Variants in LMF1 observed in about 807,000 individuals in gnomAD.
LMF1 encodes transmembrane protein 112.
In LMF1, 68 loss-of-function variants were observed where a neutral mutation model predicts 60.6. The observed-to-expected ratio is 1.12, with a 90% confidence interval of 0.92 to 1.37. The LOEUF (loss-of-function observed/expected upper bound fraction) is 1.37. Among genes scored for constraint, LMF1 ranks in the 40% most tolerant of loss-of-function variants. LMF1 has a pLI of 0.00. For missense variants in LMF1, 948 were observed against 767.2 expected, an observed-to-expected ratio of 1.24 and a Z score of -2.78; for synonymous variants, 418 against 324.7, an observed-to-expected ratio of 1.29 and a Z score of -3.09.
intron 3 of LMF1, among the ~76,000 whole-genome samples, chr16:925,455 G>T (rs1311316933): frequency 6.6e-6 from 1 of 152,194 alleles, no homozygotes; most frequent in Non-Finnish European, 1.5e-5. Context: ...GGAGGGCGTG[G>T]TGGCTCATGC....
chr16:871,096 T>C (rs560090164), intron 7 of LMF1, 65 bp downstream of exon 7: 44 of 1,474,130 alleles, frequency 3.0e-5, no homozygotes, highest in Non-Finnish European at 3.8e-5. Context: ...ACGGGCAGGC[T>C]GTGGGGCTGG....
intron 2 of LMF1, among the ~76,000 whole-genome samples, chr16:953,260 A>G (rs1416687273): frequency 2.8e-4 from 17 of 61,706 alleles, no homozygotes; most frequent in Admixed American, 2.0e-3. Context: ...CACCCACCCC[A>G]AACCAGCCTC....
chr16:959,499 C>T (rs997312992), intron 1 of LMF1, among the ~76,000 whole-genome samples: 6 of 152,140 alleles, frequency 3.9e-5, no homozygotes, highest in South Asian at 2.1e-4. Flanking sequence ...GAGCATTACA[C>T]GAGATGAACT....
At chr16:936,639 G>A (rs1386249362) in intron 2 of LMF1, among the ~76,000 whole-genome samples, 1 of 152,196 alleles carries the variant, frequency 6.6e-6, no homozygotes, top group Non-Finnish European at 1.5e-5. Flanking sequence ...TGGGCTGCAG[G>A]ATACACTCCC....
At chr16:959,028 G>C (rs1364107549) in intron 1 of LMF1, among the ~76,000 whole-genome samples, 1 of 152,188 alleles carries the variant, frequency 6.6e-6, no homozygotes, top group Non-Finnish European at 1.5e-5. Context: ...GGTGGCATCT[G>C]ACCCAGATAA....
rs111658540 is a variant in LMF1 at position 956,926 on chromosome 16, G to A, written c.194-2260C>T. Reference sequence around the variant, plus strand: ...TTCCAGCACTTTGGGAGGCTGAGGCGGGTGGATCACCTGAGGTCAGGAGTT... The same window carrying A: ...TTCCAGCACTTTGGGAGGCTGAGGCAGGTGGATCACCTGAGGTCAGGAGTT... On this transcript the variant is annotated intron_variant, in intron 1 of 10. Coordinates refer to ENST00000262301, the MANE Select transcript of LMF1 (RefSeq NM_022773.4). 4.0e-4 allele frequency among the ~76,000 whole-genome samples: 60 copies of A among 151,464 alleles called. No homozygotes were observed. In the Middle Eastern group the frequency reaches 0.014, roughly 35 times the overall value.
At chr16:953,977 C>T (rs1246989650) in intron 2 of LMF1, among the ~76,000 whole-genome samples, 374 of 25,956 alleles carry the variant, frequency 0.014, 86 homozygotes, top group African/African-American at 0.021. Context: ...TCCTACATGT[C>T]CACACAGACA....
At chr16:875,822 C>A (rs887111432) in intron 6 of LMF1, among the ~76,000 whole-genome samples, 114 of 152,338 alleles carry the variant, frequency 7.5e-4, no homozygotes, top group African/African-American at 2.0e-3. Flanking sequence ...TGGGGCAGCA[C>A]AGCCCACGCA....
At chr16:949,846 A>C (rs2072390856) in intron 2 of LMF1, among the ~76,000 whole-genome samples, 1 of 110,994 alleles carries the variant, frequency 9.0e-6, no homozygotes, top group Non-Finnish European at 1.7e-5. Flanking sequence ...AGAGTTAGAG[A>C]CAACGACAGA....
intron 10 of LMF1, among the ~76,000 whole-genome samples, chr16:863,303 G>A (rs560431471): frequency 9.9e-5 from 15 of 152,020 alleles, no homozygotes; most frequent in Non-Finnish European, 1.6e-4. Context: ...ACCACGCCCA[G>A]CCAAGTTTTT....
At chr16:902,559 G>T (rs60309987) in intron 4 of LMF1, 54,342 of 166,798 alleles carry the variant, frequency 0.33, 11,422 homozygotes, top group African/African-American at 0.59. Flanking sequence ...GCCGAGGACA[G>T]TCTGGCTCAG....
intron 6 of LMF1, chr16:871,942 G>C (rs1000749500): frequency 6.6e-6 from 1 of 152,560 alleles, no homozygotes; most frequent in African/African-American, 2.4e-5. Context: ...ACGGCTGGGA[G>C]AGCTCCAAGG....
At chr16:926,460 G>A (rs2071606895) in intron 3 of LMF1, among the ~76,000 whole-genome samples, 1 of 152,204 alleles carries the variant, frequency 6.6e-6, no homozygotes. Context: ...CACAGGATCT[G>A]CATACGTGTG....
chr16:854,981 A>T (rs965989641), intron 10 of LMF1: 2 of 543,422 alleles, frequency 3.7e-6, no homozygotes, highest in African/African-American at 3.8e-5. Context: ...CCCACTTGGC[A>T]GAGGGACCGG....
At chr16:854,966 C>G in intron 10 of LMF1, 1 of 562,000 alleles carries the variant, frequency 1.8e-6, no homozygotes, top group Non-Finnish European at 3.2e-6. Flanking sequence ...GGAGACCCAG[C>G]AGGGCCCACT....
intron 4 of LMF1, among the ~76,000 whole-genome samples, chr16:905,464 G>T (rs1279720899): frequency 6.6e-6 from 1 of 152,216 alleles, no homozygotes; most frequent in East Asian, 1.9e-4. Flanking sequence ...CTGTTCTTGG[G>T]GGGAGGAATT....
intron 3 of LMF1, among the ~76,000 whole-genome samples, chr16:931,466 C>T (rs1045461536): frequency 6.6e-6 from 1 of 152,240 alleles, no homozygotes; most frequent in African/African-American, 2.4e-5. Context: ...CTGAGATGGA[C>T]ACAGACGCAC....
At chr16:923,471 G>C (rs1597003360) in intron 3 of LMF1, among the ~76,000 whole-genome samples, 1 of 152,256 alleles carries the variant, frequency 6.6e-6, no homozygotes, top group East Asian at 1.9e-4. Context: ...AAAGCATCAG[G>C]CTTCTCAGGG....
At chr16:916,559 G>A (rs867871271) in intron 3 of LMF1, among the ~76,000 whole-genome samples, 3 of 152,238 alleles carry the variant, frequency 2.0e-5, no homozygotes, top group Non-Finnish European at 2.9e-5. Flanking sequence ...GATGATGGGG[G>A]CTGGGGAGTT....
Sources: allele counts gnomAD v4.1 joint callset (sites outside exome capture counted in the v4.1 genomes callset), GRCh38; gene constraint gnomAD v4.1.1; transcripts MANE v1.5; gene names NCBI Gene and HGNC (gene_info 2026-07-23, HGNC 2026-07-21).